Variants in CRACD observed in about 807,000 individuals in gnomAD.
The protein encoded by CRACD is capping protein inhibiting regulator of actin dynamics.
A neutral mutation model predicts 106.8 loss-of-function variants in CRACD; 56 were observed. The ratio of observed to expected loss-of-function variants is 0.52; its 90% confidence interval spans 0.42 to 0.66. The LOEUF (loss-of-function observed/expected upper bound fraction) is 0.66. Among genes scored for constraint, CRACD ranks in the 30% least tolerant of loss-of-function variants. The pLI is 0.00. For missense variants in CRACD, 1,730 were observed against 1,623.2 expected, an observed-to-expected ratio of 1.07 and a Z score of -1.13; for synonymous variants, 754 against 670.8, an observed-to-expected ratio of 1.12 and a Z score of -1.92.
At chr4:56,286,199 C>T (rs1273571042) in intron 3 of CRACD, among the ~76,000 whole-genome samples, 1 of 151,960 alleles carries the variant, frequency 6.6e-6, no homozygotes, top group Admixed American at 6.6e-5. Context: ...TTGAGACCAG[C>T]CTGGCCAACA....
intron 6 of CRACD, among the ~76,000 whole-genome samples, chr4:56,312,447 G>A (rs752961973): frequency 6.6e-6 from 1 of 152,196 alleles, no homozygotes; most frequent in Non-Finnish European, 1.5e-5. Flanking sequence ...ACAGGTGTGA[G>A]CCATCGCACC....
chr4:56,157,170 A>G (rs747236171), intron 1 of CRACD, among the ~76,000 whole-genome samples: 9 of 152,224 alleles, frequency 5.9e-5, no homozygotes, highest in Non-Finnish European at 1.3e-4. Flanking sequence ...TGGAGATAAG[A>G]TTCCTGATGG....
At chr4:56,124,323 C>G (rs1255826439) in intron 1 of CRACD, among the ~76,000 whole-genome samples, 1 of 152,180 alleles carries the variant, frequency 6.6e-6, no homozygotes, top group African/African-American at 2.4e-5. Flanking sequence ...ATCCATCACC[C>G]AGATTTGACA....
At chr4:56,058,506 G>A (rs1390219935) in intron 1 of CRACD, among the ~76,000 whole-genome samples, 1 of 152,166 alleles carries the variant, frequency 6.6e-6, no homozygotes, top group Admixed American at 6.5e-5. Context: ...GTGAGTGACT[G>A]TTTCTTAACC....
At chr4:56,219,069 G>A (rs1738893286) in intron 2 of CRACD, among the ~76,000 whole-genome samples, 2 of 152,250 alleles carry the variant, frequency 1.3e-5, no homozygotes, top group South Asian at 4.2e-4. Context: ...TAGATGAATT[G>A]AAGATGGACT....
intron 1 of CRACD, among the ~76,000 whole-genome samples, chr4:56,105,538 T>C (rs963860677): frequency 1.3e-5 from 2 of 152,174 alleles, no homozygotes; most frequent in South Asian, 2.1e-4. Context: ...ATCTTATGGT[T>C]GTATGAGGGT....
intron 1 of CRACD, among the ~76,000 whole-genome samples, chr4:56,152,100 C>T (rs1735602007): frequency 6.6e-6 from 1 of 151,240 alleles, no homozygotes; most frequent in Middle Eastern, 3.4e-3. Context: ...AGCTCCACCT[C>T]CCGGGTTCAC....
chr4:56,188,605 C>T (rs561225343), intron 2 of CRACD, among the ~76,000 whole-genome samples: 2 of 138,524 alleles, frequency 1.4e-5, no homozygotes, highest in East Asian at 4.5e-4. Flanking sequence ...TACAGCAGCT[C>T]ATTTGTATCT....
At chr4:56,211,411 T>C (rs376661558) in intron 2 of CRACD, among the ~76,000 whole-genome samples, 2 of 152,234 alleles carry the variant, frequency 1.3e-5, no homozygotes, top group East Asian at 3.9e-4. Context: ...CATGCCTGGC[T>C]TGTGCACCAG....
chr4:56,284,054 C>A (rs892074912), intron 3 of CRACD, among the ~76,000 whole-genome samples: 1 of 152,138 alleles, frequency 6.6e-6, no homozygotes. Flanking sequence ...ACATATTCTG[C>A]GTTTTCCCAT....
intron 2 of CRACD, among the ~76,000 whole-genome samples, chr4:56,214,675 C>CTATA (rs1326712395): frequency 9.4e-4 from 66 of 70,210 alleles, no homozygotes; most frequent in African/African-American, 2.9e-3. Context: ...CTCTCTCTCT[C>CTATA]TCTCTCTATA....
At position 56,314,111 on chromosome 4, in the gene CRACD, C is replaced by T. The variant is rs1293297917; in HGVS notation, c.609C>T (p.Asp203=). 33 of 1,614,056 alleles carry T rather than the reference C, an allele frequency of 2.0e-5. No homozygotes were observed. The highest frequency in any genetic ancestry group is 2.6e-5 in the Non-Finnish European group (31 of 1,180,058). Residue 203 remains aspartate (D), a synonymous_variant, in exon 8 of 11, where the codon GAC becomes GAT. Coordinates refer to ENST00000682029, the MANE Select transcript of CRACD (RefSeq NM_001393381.1). The surrounding 1 kb of genome is among the most constrained non-coding windows in gnomAD (Gnocchi z 4.4). ...CLDQNGHPGE[D]KPTWHEEEPN... ...ACCAGAACGGACACCCAGGCGAGGA[C>T]AAGCCAACGTGGCACGAAGAGGAAC...
chr4:56,303,654 C>T (rs985890114), intron 4 of CRACD, among the ~76,000 whole-genome samples: 2 of 152,262 alleles, frequency 1.3e-5, no homozygotes, highest in African/African-American at 4.8e-5. Context: ...CAACCAGTCT[C>T]CTCTGAGTTG....
intron 1 of CRACD, among the ~76,000 whole-genome samples, chr4:56,107,116 G>C (rs1436488073): frequency 6.6e-6 from 1 of 152,052 alleles, no homozygotes; most frequent in East Asian, 1.9e-4. Context: ...GGGACTACGG[G>C]CATGTGCCAC....
At chr4:56,067,729 C>A (rs1196514674) in intron 1 of CRACD, among the ~76,000 whole-genome samples, 1 of 152,134 alleles carries the variant, frequency 6.6e-6, no homozygotes, top group Non-Finnish European at 1.5e-5. Flanking sequence ...GAGTGCGCCA[C>A]CATGTCCAGC....
At chr4:56,244,564 G>T (rs1182568467) in intron 2 of CRACD, among the ~76,000 whole-genome samples, 2 of 152,190 alleles carry the variant, frequency 1.3e-5, no homozygotes, top group African/African-American at 2.4e-5. Flanking sequence ...CAGGGTGGCT[G>T]TATCAGTTGG....
intron 1 of CRACD, among the ~76,000 whole-genome samples, chr4:56,124,694 A>C (rs1435622364): frequency 6.6e-6 from 1 of 152,164 alleles, no homozygotes; most frequent in African/African-American, 2.4e-5. Context: ...TAATCCATAA[A>C]CATTGCCTCT....
intron 2 of CRACD, among the ~76,000 whole-genome samples, chr4:56,207,744 T>TTA (rs1738196741): frequency 1.4e-5 from 1 of 71,152 alleles, no homozygotes; most frequent in East Asian, 8.8e-4. Context: ...ACTTGTTTTC[T>TTA]CATATATATA....
intron 1 of CRACD, among the ~76,000 whole-genome samples, chr4:56,151,024 T>C (rs1735560321): frequency 6.6e-6 from 1 of 152,196 alleles, no homozygotes; most frequent in Admixed American, 6.5e-5. Flanking sequence ...AGAGACGAAG[T>C]GTCGCTCTGT....
Sources: allele counts gnomAD v4.1 joint callset (sites outside exome capture counted in the v4.1 genomes callset), GRCh38; gene constraint gnomAD v4.1.1; non-coding constraint Gnocchi (gnomAD v3.1); transcripts MANE v1.5; gene names NCBI Gene and HGNC (gene_info 2026-07-23, HGNC 2026-07-21).